Variants in KCNIP4 observed in about 807,000 individuals in gnomAD.
KCNIP4 encodes Kv channel-interacting protein 4.
Under a neutral mutation model 34.0 loss-of-function variants are expected in KCNIP4, and 12 were observed. The ratio of observed to expected loss-of-function variants is 0.35; its 90% CI spans 0.23 to 0.57. The LOEUF (loss-of-function observed/expected upper bound fraction) is 0.57. KCNIP4 is among the 20% of genes least tolerant of loss of function. KCNIP4 has a pLI of 0.83. For synonymous variants in KCNIP4, 124 were observed against 102.2 expected, an observed-to-expected ratio of 1.21 and a Z score of -1.29; for missense variants, 238 against 311.7, an observed-to-expected ratio of 0.76 and a Z score of 1.78.
chr4:20,905,522 T>TTTTTTTG (rs768668990), intron 1 of KCNIP4, among the ~76,000 whole-genome samples: 15 of 111,188 alleles, frequency 1.3e-4, no homozygotes, highest in Non-Finnish European at 2.4e-4. Flanking sequence ...TTTTTTTTTT[T>TTTTTTTG]TTTGTTTGAG....
intron 1 of KCNIP4, among the ~76,000 whole-genome samples, chr4:21,868,215 T>C (rs1238985043): frequency 6.6e-6 from 1 of 152,144 alleles, no homozygotes; most frequent in African/African-American, 2.4e-5. Flanking sequence ...CAAAATAGCA[T>C]AGATATTTTA....
At chr4:21,814,961 C>T (rs1304213493) in intron 1 of KCNIP4, among the ~76,000 whole-genome samples, 3 of 152,194 alleles carry the variant, frequency 2.0e-5, no homozygotes, top group Non-Finnish European at 4.4e-5. Flanking sequence ...GGCAACATCA[C>T]ATCCTCCTTC....
intron 1 of KCNIP4, among the ~76,000 whole-genome samples, chr4:20,904,643 T>C (rs1435733050): frequency 6.6e-6 from 1 of 152,194 alleles, no homozygotes; most frequent in Admixed American, 6.5e-5. Flanking sequence ...TGGAGAGTCC[T>C]TAACAAAATG....
intron 1 of KCNIP4, among the ~76,000 whole-genome samples, chr4:21,092,393 T>C (rs1747073265): frequency 6.6e-6 from 1 of 152,042 alleles, no homozygotes; most frequent in Admixed American, 6.6e-5. Context: ...AGCCAGAGTA[T>C]ATGCCATTTT....
chr4:21,363,190 C>T (rs1719403314), intron 1 of KCNIP4, among the ~76,000 whole-genome samples: 1 of 152,128 alleles, frequency 6.6e-6, no homozygotes, highest in East Asian at 1.9e-4. Context: ...ATTCTACATT[C>T]TCTCTTCTTG....
intron 1 of KCNIP4, among the ~76,000 whole-genome samples, chr4:21,765,219 G>A (rs1004386317): frequency 6.7e-6 from 1 of 150,276 alleles, no homozygotes; most frequent in African/African-American, 2.5e-5. Flanking sequence ...GGAGTGATGC[G>A]ATCTCAGCTT....
chr4:21,652,170 T>G (rs1353167270), intron 1 of KCNIP4, among the ~76,000 whole-genome samples: 3 of 152,196 alleles, frequency 2.0e-5, no homozygotes, highest in Non-Finnish European at 4.4e-5. Flanking sequence ...TACCTTTTAG[T>G]GGACAATTTA....
At chr4:21,448,966 T>A (rs1242879800) in intron 1 of KCNIP4, among the ~76,000 whole-genome samples, 2 of 152,176 alleles carry the variant, frequency 1.3e-5, no homozygotes, top group Non-Finnish European at 2.9e-5. Context: ...TTATTGGACT[T>A]CCAAATTCTA....
At chr4:21,146,626 C>T (rs1348087781) in intron 1 of KCNIP4, among the ~76,000 whole-genome samples, 1 of 152,098 alleles carries the variant, frequency 6.6e-6, no homozygotes, top group African/African-American at 2.4e-5. Flanking sequence ...ATAGATAGAG[C>T]CCTTGGCAAA....
intron 1 of KCNIP4, among the ~76,000 whole-genome samples, chr4:21,621,941 TAAG>T: frequency 6.6e-6 from 1 of 152,216 alleles, no homozygotes; most frequent in East Asian, 1.9e-4. Flanking sequence ...GACACATATC[TAAG>T]AAGAACCTAA....
Position 20,812,524 on chromosome 4 carries a change from A to G in KCNIP4, c.288+38019T>C, listed in dbSNP as rs185650305. Among the ~76,000 whole-genome samples, 9 of 152,272 alleles carry G rather than the reference A, an allele frequency of 5.9e-5. No homozygotes were observed. In the East Asian group the frequency reaches 1.7e-3, roughly 29 times the overall value. ...CCAAGGGAAGAGTCCAAGCTTAAACATATTTTTCATGTCGCAATATGCTTA... is the reference window on the plus strand; with the variant it reads ...CCAAGGGAAGAGTCCAAGCTTAAACGTATTTTTCATGTCGCAATATGCTTA... On this transcript the variant is annotated intron_variant, in intron 3 of 8. Coordinates refer to ENST00000382152, the MANE Select transcript of KCNIP4 (RefSeq NM_025221.6).
At chr4:21,622,911 T>C (rs993239572) in intron 1 of KCNIP4, among the ~76,000 whole-genome samples, 6 of 152,078 alleles carry the variant, frequency 3.9e-5, no homozygotes, top group African/African-American at 9.7e-5. Context: ...ACTCAGAACT[T>C]AATAACTGGG....
At chr4:21,933,413 G>C (rs1011578740) in intron 1 of KCNIP4, among the ~76,000 whole-genome samples, 2 of 152,004 alleles carry the variant, frequency 1.3e-5, no homozygotes, top group African/African-American at 4.8e-5. Context: ...CTCTAACCTT[G>C]TTCTTGTCTA....
chr4:21,878,707 T>C (rs1726284135), intron 1 of KCNIP4, among the ~76,000 whole-genome samples: 1 of 152,232 alleles, frequency 6.6e-6, no homozygotes, highest in Non-Finnish European at 1.5e-5. Context: ...CTTTTTATTC[T>C]GGACAACATG....
chr4:21,391,477 C>A (rs1240556100), intron 1 of KCNIP4, among the ~76,000 whole-genome samples: 3 of 152,124 alleles, frequency 2.0e-5, no homozygotes, highest in Admixed American at 2.0e-4. Flanking sequence ...CTTCTGATAC[C>A]TTCTGTGATC....
intron 1 of KCNIP4, among the ~76,000 whole-genome samples, chr4:21,496,788 C>T (rs952122619): frequency 9.9e-5 from 15 of 152,274 alleles, no homozygotes; most frequent in South Asian, 6.2e-4. Flanking sequence ...AGTGTGAACC[C>T]TGTTGTGAGC....
chr4:21,029,612 C>T (rs1248281385), intron 1 of KCNIP4, among the ~76,000 whole-genome samples: 1 of 152,186 alleles, frequency 6.6e-6, no homozygotes, highest in Non-Finnish European at 1.5e-5. Flanking sequence ...AGTTGTCTAT[C>T]ACCAACGACA....
At chr4:20,752,194 G>A (rs1003117214) in intron 4 of KCNIP4, among the ~76,000 whole-genome samples, 2 of 151,938 alleles carry the variant, frequency 1.3e-5, no homozygotes, top group Non-Finnish European at 2.9e-5. Flanking sequence ...GAGTAGCTGG[G>A]ATTACAGGCA....
At chr4:21,417,477 G>A (rs1158653364) in intron 1 of KCNIP4, among the ~76,000 whole-genome samples, 3 of 152,104 alleles carry the variant, frequency 2.0e-5, no homozygotes, top group Non-Finnish European at 2.9e-5. Context: ...ATTTCCTCCC[G>A]TTTTGTGGCA....
Sources: allele counts gnomAD v4.1 joint callset (sites outside exome capture counted in the v4.1 genomes callset), GRCh38; gene constraint gnomAD v4.1.1; transcripts MANE v1.5; gene names NCBI Gene and HGNC (gene_info 2026-07-23, HGNC 2026-07-21).